NUDT3: variants seen among roughly 807,000 people sequenced by gnomAD.
The protein encoded by NUDT3 is nudix hydrolase 3, also known as diphosphoinositol polyphosphate phosphohydrolase 1.
Under a neutral mutation model 23.6 loss-of-function variants are expected in NUDT3, and 9 were observed. That is an observed-to-expected ratio of 0.38 (90% CI 0.23 to 0.66). The LOEUF is 0.66. NUDT3 is among the 30% of genes least tolerant of loss of function. The pLI, the probability that NUDT3 is intolerant of heterozygous loss-of-function variation, is 0.52. For missense variants in NUDT3, 172 were observed against 218.5 expected (o/e 0.79, Z 1.34); for synonymous variants, 86 against 82.6 (o/e 1.04, Z -0.22).
At chr6:34,344,896 C>A (rs1490207320) in intron 1 of NUDT3, among the ~76,000 whole-genome samples, 1 of 151,738 alleles carries the variant, frequency 6.6e-6, no homozygotes, top group African/African-American at 2.4e-5. Flanking sequence ...CATGATCCAC[C>A]CACCTCGGCC....
rs761916690 is a variant in NUDT3, at chr6:34,288,816, G to A, written c.456C>T (p.Gly152=). 2 of 1,614,046 alleles carry A rather than the reference G, an allele frequency of 1.2e-6. No homozygotes were observed. Among genetic ancestry groups the A allele is most frequent in the South Asian group, 1.1e-5 (1 of 91,076 alleles). Residue 152 remains glycine, a synonymous_variant, in exon 5 of 5, where the codon GGC becomes GGT. Coordinates refer to ENST00000607016, the MANE Select transcript of NUDT3 (RefSeq NM_006703.4). ...TLRQGYSANN[G]TPVVATTYSV... ...AGTATGTGGTGGCCACGACTGGGGT[G>A]CCATTGTTGGCTGAGTAGCCTTGCC...
chr6:34,313,663 TA>T (rs555768374), intron 2 of NUDT3, among the ~76,000 whole-genome samples: 44 of 144,188 alleles, frequency 3.1e-4, no homozygotes, highest in Middle Eastern at 3.5e-3. Flanking sequence ...TAAAACGGCT[TA>T]AAAAAAAAAA....
chr6:34,349,665 C>G (rs1311834280), intron 1 of NUDT3, among the ~76,000 whole-genome samples: 1 of 150,612 alleles, frequency 6.6e-6, no homozygotes. Context: ...GATCTGACCC[C>G]TTTCTCCCTA....
At chr6:34,296,933 A>C (rs1200902762) in intron 2 of NUDT3, among the ~76,000 whole-genome samples, 3 of 138,346 alleles carry the variant, frequency 2.2e-5, no homozygotes, top group South Asian at 2.3e-4. Context: ...CAGTGGTTAG[A>C]CCTTTTTTTT....
chr6:34,344,300 A>G (rs1764331830), intron 1 of NUDT3, among the ~76,000 whole-genome samples: 1 of 152,236 alleles, frequency 6.6e-6, no homozygotes, highest in Non-Finnish European at 1.5e-5. Flanking sequence ...TCAAATATCC[A>G]ATAAGAGTGA....
At position 34,341,792 on chromosome 6, in the gene NUDT3, A is replaced by G. The variant is rs1241148805; in HGVS notation, c.210+70T>C. ...TTTATTCAGTGAGTGCTGACATATTAAAGAACTACACAGATAGGACAGGTT... is the reference window on the plus strand; with the variant it reads ...TTTATTCAGTGAGTGCTGACATATTGAAGAACTACACAGATAGGACAGGTT... On this transcript the variant is annotated intron_variant, in intron 2 of 4. Coordinates refer to ENST00000607016, the MANE Select transcript of NUDT3 (RefSeq NM_006703.4). The G allele has an allele frequency of 2.1e-6, 3 of 1,396,386 alleles. No individual in the cohort carries two copies. In the African/African-American group the frequency reaches 4.3e-5, roughly 20 times the overall value. 86.5% of individuals were successfully genotyped at this position (1,396,386 alleles called of 1,614,324 possible). A position where few individuals can be genotyped will look rare whatever the true frequency, so the allele number is the denominator to read the frequency against.
At chr6:34,303,976 G>C (rs1006767279) in intron 2 of NUDT3, among the ~76,000 whole-genome samples, 2 of 152,194 alleles carry the variant, frequency 1.3e-5, no homozygotes, top group African/African-American at 4.8e-5. Context: ...TACGAGGCCA[G>C]GCGCAGTGGC....
At chr6:34,326,258 TAC>T (rs2113721939) in intron 2 of NUDT3, among the ~76,000 whole-genome samples, 1 of 152,358 alleles carries the variant, frequency 6.6e-6, no homozygotes, top group South Asian at 2.1e-4. Flanking sequence ...TTTAGCAAAC[TAC>T]ATCTAGCTAC....
At position 34,392,450 on chromosome 6, in the gene NUDT3, C is replaced by A; in HGVS notation, c.-88G>T. 1.1e-6 allele frequency: 1 copy of A among 948,632 alleles called. No individual in the cohort carries two copies. The allele number at this position is 948,632 out of a possible 1,614,324, so 58.8% of individuals were successfully genotyped here. A position where few individuals can be genotyped will look rare whatever the true frequency, so the allele number is the denominator to read the frequency against. ...TGGACGGCCGCGTGCGCGCGCGCCCCCGGCTCGGCCAAGGGAAGCAGGGAG... is the reference window on the plus strand; with the variant it reads ...TGGACGGCCGCGTGCGCGCGCGCCCACGGCTCGGCCAAGGGAAGCAGGGAG... On this transcript the variant is annotated 5_prime_UTR_variant, in exon 1 of 5. Coordinates refer to ENST00000607016, the MANE Select transcript of NUDT3 (RefSeq NM_006703.4).
intron 1 of NUDT3, among the ~76,000 whole-genome samples, chr6:34,345,413 C>T (rs1322874310): frequency 4.0e-5 from 6 of 151,558 alleles, no homozygotes; most frequent in Non-Finnish European, 7.4e-5. Flanking sequence ...GCTGTAATCC[C>T]AGCACTTAGG....
chr6:34,341,464 G>T (rs144215504), intron 2 of NUDT3, among the ~76,000 whole-genome samples: 369 of 152,266 alleles, frequency 2.4e-3, no homozygotes, highest in African/African-American at 8.3e-3. Flanking sequence ...TCCATGGCTA[G>T]GATGCAGTAA....
intron 1 of NUDT3, among the ~76,000 whole-genome samples, chr6:34,368,303 CCTT>C (rs1764771365): frequency 6.6e-6 from 1 of 152,184 alleles, no homozygotes; most frequent in South Asian, 2.1e-4. Context: ...TTTTTCCTCT[CCTT>C]CTTCCCTACC....
chr6:34,304,834 CTTTTTTT>C (rs533001818), intron 2 of NUDT3, among the ~76,000 whole-genome samples: 2 of 130,766 alleles, frequency 1.5e-5, no homozygotes, highest in African/African-American at 5.7e-5. Context: ...TAATTAAAAA[CTTTTTTT>C]TTTTTTTTTT....
At chr6:34,326,936 A>T (rs928047175) in intron 2 of NUDT3, among the ~76,000 whole-genome samples, 7 of 152,078 alleles carry the variant, frequency 4.6e-5, no homozygotes, top group African/African-American at 1.4e-4. Context: ...CCGTGTGTGG[A>T]GACGAGAGAG....
At chr6:34,330,544 C>T (rs1764111595) in intron 2 of NUDT3, among the ~76,000 whole-genome samples, 2 of 152,210 alleles carry the variant, frequency 1.3e-5, no homozygotes, top group South Asian at 2.1e-4. Context: ...TGCCTATAAT[C>T]CTAGCACTTT....
intron 2 of NUDT3, among the ~76,000 whole-genome samples, chr6:34,329,419 T>TAC (rs1389496490): frequency 6.6e-6 from 1 of 152,146 alleles, no homozygotes; most frequent in Non-Finnish European, 1.5e-5. Context: ...TAGCTGGGAT[T>TAC]ACAGGCGCCT....
intron 2 of NUDT3, among the ~76,000 whole-genome samples, chr6:34,340,051 T>C (rs917965503): frequency 6.6e-6 from 1 of 152,082 alleles, no homozygotes; most frequent in Non-Finnish European, 1.5e-5. Context: ...GGGGGACCCT[T>C]TGGGGAAAAT....
At chr6:34,337,635 T>C (rs1764229125) in intron 2 of NUDT3, among the ~76,000 whole-genome samples, 1 of 152,234 alleles carries the variant, frequency 6.6e-6, no homozygotes, top group Admixed American at 6.5e-5. Context: ...TTAGCTGCAC[T>C]TGTATAACCC....
Position 34,331,268 on chromosome 6 carries a change from TATTTAG to T in NUDT3, c.210+10588_210+10593del, listed in dbSNP as rs569202553. 1.2e-3 allele frequency among the ~76,000 whole-genome samples: 180 copies of T among 151,688 alleles called. 1 individual carries two copies. The East Asian group carries it at 0.013, about 11-fold the overall frequency. ...CAACCTCAATTATTCTACATTAAGGTATTTAGACTTTCAAACTTTCTTTTTTTTTTT... is the reference window on the plus strand; with the variant it reads ...CAACCTCAATTATTCTACATTAAGGTACTTTCAAACTTTCTTTTTTTTTTT... On this transcript the variant is annotated intron_variant, in intron 2 of 4. Transcript: ENST00000607016.
Sources: gnomAD v4.1 joint callset for allele counts (sites outside exome capture counted in the v4.1 genomes callset) on GRCh38, gnomAD v4.1.1 for gene constraint, MANE v1.5 for transcripts, NCBI Gene and HGNC (gene_info 2026-07-23, HGNC 2026-07-21) for gene names.